Variants in KTN1 observed in about 807,000 individuals in gnomAD.
KTN1 encodes the protein kinectin 1.
Under a neutral mutation model 222.5 loss-of-function variants are expected in KTN1, and 130 were observed. The observed-to-expected ratio is 0.58, with a 90% CI of 0.51 to 0.68. The LOEUF is 0.68. Among genes scored for constraint, KTN1 ranks in the 30% least tolerant of loss-of-function variants. The pLI is 0.00. For missense variants in KTN1, 1,508 were observed against 1,500.4 expected (o/e 1.01, Z -0.08); for synonymous variants, 512 against 496.3 (o/e 1.03, Z -0.42).
intron 1 of KTN1, among the ~76,000 whole-genome samples, chr14:55,589,617 C>T (rs1458782768): frequency 2.2e-5 from 3 of 139,436 alleles, no homozygotes; most frequent in Non-Finnish European, 4.7e-5. Flanking sequence ...GCCAGAGATT[C>T]TTTAATTATT....
chr14:55,637,632 G>A (rs1447020268), intron 11 of KTN1, 147 bp from the exon 12 acceptor site: 11 of 621,848 alleles, frequency 1.8e-5, no homozygotes, highest in Non-Finnish European at 2.8e-5. Context: ...TCTAATCATT[G>A]TTTAAAATAA....
At position 55,616,557 on chromosome 14, in the gene KTN1, A is replaced by C. The variant is rs370354701; in HGVS notation, c.564A>C (p.Ser188=). The part of the protein sequence containing the change: ...DKKVETLMVP[S]KRQEALPLHQ... Reference sequence around the variant, plus strand: ...AGGTGGAAACTCTCATGGTACCATCAAAAAGGCAAGAAGCATTGCCCCTCC... The same window carrying C: ...AGGTGGAAACTCTCATGGTACCATCCAAAAGGCAAGAAGCATTGCCCCTCC... The change falls in exon 3 of 44, where the codon TCA becomes TCC. Residue 188 remains serine (S), a synonymous_variant. Coordinates refer to ENST00000395314, the MANE Select transcript of KTN1 (RefSeq NM_001079521.2). 4 of 1,603,892 alleles carry C rather than the reference A, an allele frequency of 2.5e-6. No homozygotes were observed. The highest frequency in any genetic ancestry group is 2.7e-5 in the African/African-American group (2 of 73,728).
At chr14:55,581,296 G>T (rs1227868031) in intron 1 of KTN1, among the ~76,000 whole-genome samples, 1 of 152,256 alleles carries the variant, frequency 6.6e-6, no homozygotes, top group Admixed American at 6.5e-5. Flanking sequence ...ACTAGGTTAG[G>T]TTGAAAGTAA....
intron 43 of KTN1, chr14:55,683,815 C>T (rs2046568075): frequency 3.1e-6 from 1 of 320,612 alleles, no homozygotes; most frequent in Non-Finnish European, 5.7e-6. Context: ...GCTTTACATT[C>T]TCTTGAGTAG....
intron 31 of KTN1, 134 bp downstream of exon 31, chr14:55,659,837 G>A (rs1295707292): frequency 3.4e-6 from 2 of 585,524 alleles, no homozygotes; most frequent in Non-Finnish European, 6.2e-6. Flanking sequence ...ATCTTGAATT[G>A]CAGTTTAGAG....
chr14:55,634,445 A>C, intron 8 of KTN1, 81 bp from the exon 9 acceptor site: 1 of 1,306,922 alleles, frequency 7.7e-7, no homozygotes, highest in Admixed American at 2.7e-5. Context: ...TCAGCTCAGC[A>C]AAACTAACAA....
chr14:55,672,797 T>A, intron 38 of KTN1, 96 bp downstream of exon 38: 1 of 1,055,556 alleles, frequency 9.5e-7, no homozygotes. Flanking sequence ...TTTATAGTTA[T>A]GCTCTTAATA....
At chr14:55,614,545 T>A (rs1320195246) in intron 2 of KTN1, among the ~76,000 whole-genome samples, 1 of 152,190 alleles carries the variant, frequency 6.6e-6, no homozygotes, top group Non-Finnish European at 1.5e-5. Context: ...CCTTTTTTTA[T>A]GCCCATGAAC....
intron 42 of KTN1, 112 bp from the exon 43 acceptor site, chr14:55,679,453 C>G (rs775954921): frequency 5.6e-5 from 48 of 860,018 alleles, no homozygotes; most frequent in East Asian, 5.2e-5. Flanking sequence ...TGTCATTGTT[C>G]AGATTTTTTA....
chr14:55,633,049 T>TATTTG (rs1375021211), intron 7 of KTN1, among the ~76,000 whole-genome samples, 186 bp from the exon 8 acceptor site: 3 of 152,238 alleles, frequency 2.0e-5, no homozygotes, highest in Non-Finnish European at 4.4e-5. Flanking sequence ...TGACAGTTTG[T>TATTTG]ATTTGATTTG....
intron 22 of KTN1, 44 bp downstream of exon 22, chr14:55,649,857 CA>C (rs746672526): frequency 2.5e-6 from 3 of 1,190,292 alleles, no homozygotes; most frequent in East Asian, 5.1e-5. Flanking sequence ...TTCTTTGGTC[CA>C]TTTTTTTTTT....
In KTN1 at chr14:55,619,232, A is replaced by T; in HGVS notation, c.883A>T (p.Met295Leu). The T allele has an allele frequency of 6.2e-7, 1 of 1,608,296 alleles. No individual in the cohort carries two copies. The highest frequency in any genetic ancestry group is 8.5e-7 in the Non-Finnish European group (1 of 1,174,966). Reference protein sequence around the residue: ...KDFLLSLKTMMFSEDEALCVV... With the variant: ...KDFLLSLKTMLFSEDEALCVV... ...TTTTCTTCTGTCCTTGAAGACTATG[A>T]TGTTTTCTGAAGATGAGGCTCTTTG... Residue 295 changes from methionine to leucine, a missense_variant, in exon 5 of 44, where the codon ATG (methionine) becomes TTG (leucine). Coordinates refer to ENST00000395314, the MANE Select transcript of KTN1 (RefSeq NM_001079521.2).
chr14:55,637,099 AAAG>A (rs1468243286), intron 10 of KTN1, 96 bp from the exon 11 acceptor site: 2 of 820,346 alleles, frequency 2.4e-6, no homozygotes, highest in African/African-American at 3.5e-5. Context: ...GGAGAGATTC[AAAG>A]AAGGTTTTCT....
intron 1 of KTN1, among the ~76,000 whole-genome samples, chr14:55,605,150 A>G (rs76555508): frequency 0.08 from 12,176 of 152,234 alleles, 534 homozygotes; most frequent in South Asian, 0.11. Flanking sequence ...GCGTTTTCTT[A>G]TTAGTTGTTC....
At chr14:55,668,398 A>G (rs929528095) in intron 34 of KTN1, 10 of 151,888 alleles carry the variant, frequency 6.6e-5, no homozygotes, top group Admixed American at 2.0e-4. Context: ...GTGGTTTCCT[A>G]TGAAGTTTCC....
intron 4 of KTN1, 49 bp from the exon 5 acceptor site, chr14:55,619,133 G>T: frequency 6.8e-7 from 1 of 1,474,746 alleles, no homozygotes; most frequent in Non-Finnish European, 9.4e-7. Context: ...GTTATTATTT[G>T]TGTTTTTTAA....
At chr14:55,678,535 C>A in intron 42 of KTN1, 91 bp downstream of exon 42, 1 of 763,850 alleles carries the variant, frequency 1.3e-6, no homozygotes. Context: ...CTCCGAAAGT[C>A]ATCTTTCTTG....
intron 43 of KTN1, 24 bp from the exon 44 acceptor site, chr14:55,684,075 T>C (rs1199794254): frequency 6.3e-7 from 1 of 1,592,754 alleles, no homozygotes; most frequent in South Asian, 1.1e-5. Context: ...TAAAGTGAAA[T>C]TCATTCTTTC....
At chr14:55,660,511 C>G (rs746630465) in intron 31 of KTN1, among the ~76,000 whole-genome samples, 2 of 151,326 alleles carry the variant, frequency 1.3e-5, no homozygotes, top group Non-Finnish European at 2.9e-5. Context: ...AAATGTCAAC[C>G]ACATTAAGTA....
Sources: gnomAD v4.1 joint callset for allele counts (sites outside exome capture counted in the v4.1 genomes callset) on GRCh38, gnomAD v4.1.1 for gene constraint, MANE v1.5 for transcripts, NCBI Gene and HGNC (gene_info 2026-07-23, HGNC 2026-07-21) for gene names.